The following RRM2 variants were observed in gnomAD, a reference collection of about 807,000 sequenced individuals.
RRM2 encodes ribonucleotide reductase regulatory subunit M2, also known as ribonucleoside-diphosphate reductase subunit M2.
In RRM2, 6 loss-of-function variants were observed where a neutral mutation model predicts 45.9. That is an observed-to-expected ratio of 0.13 (90% confidence interval 0.07 to 0.26). The LOEUF is 0.26. Ranked by LOEUF, RRM2 falls within the 10% of genes least tolerant of loss-of-function variation. RRM2 has a pLI of 1.00. For synonymous variants in RRM2, 177 were observed against 173.0 expected (o/e 1.02, Z -0.18); for missense variants, 343 against 489.5 (o/e 0.70, Z 2.82).
At chr2:10,183,496 C>T (rs1664102689) in intron 3 of RRM2, among the ~76,000 whole-genome samples, 1 of 152,236 alleles carries the variant, frequency 6.6e-6, no homozygotes, top group Admixed American at 6.5e-5. Flanking sequence ...ATGGCAAGGT[C>T]ATTTTCCTTG....
intron 3 of RRM2, among the ~76,000 whole-genome samples, chr2:10,192,186 C>A (rs1208109829): frequency 6.6e-6 from 1 of 152,204 alleles, no homozygotes; most frequent in Non-Finnish European, 1.5e-5. Flanking sequence ...GAGGTAAAAG[C>A]TGTTCAGCCA....
intron 3 of RRM2, among the ~76,000 whole-genome samples, chr2:10,207,611 T>C (rs887963): frequency 0.48 from 72,780 of 152,004 alleles, 18,727 homozygotes; most frequent in East Asian, 0.67. Flanking sequence ...GGCTCTTGTC[T>C]GTGCTGTTTT....
At chr2:10,131,954 CTT>C (rs1662910560), downstream of RRM2, among the ~76,000 whole-genome samples, 1 of 152,128 alleles carries the variant, frequency 6.6e-6, no homozygotes, top group Non-Finnish European at 1.5e-5. Context: ...TCCTGGGGCT[CTT>C]TTCCCGTTTG....
At position 10,191,034 on chromosome 2, in the gene RRM2, C is replaced by T. The variant is rs140693599; in HGVS notation, n.483-19277C>T. Among the ~76,000 whole-genome samples, 323 of 152,322 alleles carry T rather than the reference C, an allele frequency of 2.1e-3. 1 individual carries two copies. Among genetic ancestry groups the T allele is most frequent in the African/African-American group, 7.5e-3 (311 of 41,566 alleles). On this transcript the variant is annotated intron_variant and non_coding_transcript_variant, in intron 3 of 3. Coordinates refer to the RRM2 transcript ENST00000381786. ...ATGACATTTTCCTACAAAGAACAAA[C>T]CACTGGGCTTCTCTGGAGCACAAAG...
In RRM2 at chr2:10,195,677, C is replaced by T. The variant is rs910472809; in HGVS notation, n.483-14634C>T. Among the ~76,000 whole-genome samples, 39 of 152,072 alleles carry T rather than the reference C, an allele frequency of 2.6e-4. 1 individual carries two copies. Among genetic ancestry groups the T allele is most frequent in the Non-Finnish European group, 4.4e-4 (30 of 68,006 alleles). On this transcript the variant is annotated intron_variant and non_coding_transcript_variant, in intron 3 of 3. Coordinates refer to the RRM2 transcript ENST00000381786. The surrounding 1 kb of genome is among the most constrained non-coding windows in gnomAD (Gnocchi z 4.9). ...TGTGGCAGACCTGTGAGTTGGTCCCCGACAGCCTCCTGCCTTTCTCCCTGA... is the reference window on the plus strand; with the variant it reads ...TGTGGCAGACCTGTGAGTTGGTCCCTGACAGCCTCCTGCCTTTCTCCCTGA...
chr2:10,127,068 G>C lies in RRM2; in HGVS notation c.665-19G>C, dbSNP rs1262790247. ...AATACCAACTCACTAGAATCATGTT[G>C]GTGTTAACTCCTAAATAGGTGAACG... On this transcript the variant is annotated intron_variant, in intron 6 of 9. Transcript: ENST00000304567. The surrounding 1 kb of genome is among the most constrained non-coding windows in gnomAD (Gnocchi z 4.1). The C allele has an allele frequency of 3.1e-6, 5 of 1,613,262 alleles. No homozygotes were observed. The South Asian group carries it at 5.5e-5, about 18-fold the overall frequency.
chr2:10,210,594 A>G (rs1213749354), exon 4 of RRM2: 4 of 1,365,054 alleles, frequency 2.9e-6, no homozygotes, highest in South Asian at 1.1e-5. Flanking sequence ...CCAGGGCCCC[A>G]TAGACAGCAG....
intron 4 of RRM2, 131 bp downstream of exon 4, chr2:10,123,983 G>C (rs1662727212): frequency 2.9e-6 from 2 of 678,334 alleles, no homozygotes; most frequent in African/African-American, 3.6e-5. Flanking sequence ...TATATTACAT[G>C]GCATTTCCTG....
At chr2:10,155,861 G>C (rs1380014205) in intron 3 of RRM2, 1 of 152,260 alleles carries the variant, frequency 6.6e-6, no homozygotes, top group Non-Finnish European at 1.5e-5. Flanking sequence ...CTAGCGAGGT[G>C]AAAGTTCGCA....
At chr2:10,147,280 T>C (rs181438067) in intron 3 of RRM2, among the ~76,000 whole-genome samples, 2 of 151,442 alleles carry the variant, frequency 1.3e-5, no homozygotes, top group Non-Finnish European at 1.5e-5. Flanking sequence ...TAAGGGTTTT[T>C]TTTTGTTTTG....
At chr2:10,189,582 C>T (rs1572526260) in intron 3 of RRM2, among the ~76,000 whole-genome samples, 1 of 152,216 alleles carries the variant, frequency 6.6e-6, no homozygotes, top group Non-Finnish European at 1.5e-5. Context: ...TCTGGGGGAG[C>T]TCAGGCCAGG....
At chr2:10,198,345 G>A (rs1664457941) in intron 3 of RRM2, among the ~76,000 whole-genome samples, 1 of 151,930 alleles carries the variant, frequency 6.6e-6, no homozygotes, top group African/African-American at 2.4e-5. Flanking sequence ...GAAGCCCTAA[G>A]CTGAGCTCAC....
chr2:10,200,462 G>A (rs1428861909), intron 3 of RRM2, among the ~76,000 whole-genome samples: 2 of 88,296 alleles, frequency 2.3e-5, no homozygotes, highest in African/African-American at 7.2e-5. Context: ...CACAGGGACC[G>A]CGCGCGCAAA....
chr2:10,158,943 C>T (rs970060324), intron 3 of RRM2, among the ~76,000 whole-genome samples: 2 of 152,218 alleles, frequency 1.3e-5, no homozygotes, highest in African/African-American at 4.8e-5. Context: ...AGACCTTCAC[C>T]TTGGAGAACC....
chr2:10,142,996 C>T (rs1663116586), intron 3 of RRM2, among the ~76,000 whole-genome samples: 1 of 152,238 alleles, frequency 6.6e-6, no homozygotes, highest in Non-Finnish European at 1.5e-5. Flanking sequence ...GCCTCAGCCT[C>T]CCGTGTAGCT....
At chr2:10,133,015 T>TG (rs148951251), downstream of RRM2, among the ~76,000 whole-genome samples, 4,100 of 152,286 alleles carry the variant, frequency 0.027, 204 homozygotes, top group African/African-American at 0.094. Context: ...CCAGACCTAC[T>TG]GAATCAGTCT....
chr2:10,196,549 G>T (rs1304306117), intron 3 of RRM2, among the ~76,000 whole-genome samples: 3 of 152,152 alleles, frequency 2.0e-5, no homozygotes, highest in African/African-American at 7.2e-5. Context: ...TGGTTGCTGG[G>T]TGGGGGTGTG....
intron 3 of RRM2, among the ~76,000 whole-genome samples, chr2:10,168,359 C>T (rs1462918356): frequency 6.6e-6 from 1 of 152,022 alleles, no homozygotes; most frequent in Non-Finnish European, 1.5e-5. Context: ...CGAGAGATCT[C>T]CTCCATCTTC....
At chr2:10,163,619 A>C (rs1219532870) in intron 3 of RRM2, among the ~76,000 whole-genome samples, 1 of 152,180 alleles carries the variant, frequency 6.6e-6, no homozygotes, top group Non-Finnish European at 1.5e-5. Flanking sequence ...GGTGGGAACT[A>C]TGGGGTCCAC....
Sources: allele counts gnomAD v4.1 joint callset (sites outside exome capture counted in the v4.1 genomes callset), GRCh38; gene constraint gnomAD v4.1.1; non-coding constraint Gnocchi (gnomAD v3.1); transcripts MANE v1.5; gene names NCBI Gene and HGNC (gene_info 2026-07-23, HGNC 2026-07-21).